NEK11: variants seen among roughly 807,000 people sequenced by gnomAD.
NEK11 encodes serine/threonine-protein kinase Nek11.
A neutral mutation model predicts 80.7 loss-of-function variants in NEK11; 72 were observed. That is an observed-to-expected ratio of 0.89 (90% CI 0.74 to 1.08). NEK11 has a LOEUF of 1.08. NEK11 is among the 50% of genes least tolerant of loss of function. NEK11 has a pLI of 0.00. For synonymous variants in NEK11, 251 were observed against 260.7 expected (o/e 0.96, Z 0.36); for missense variants, 764 against 763.6 (o/e 1.00, Z -0.01).
At chr3:131,272,463 C>CTTCTTTTTTTTTTTTTTT (rs2096210843) in intron 16 of NEK11, among the ~76,000 whole-genome samples, 10 of 43,884 alleles carry the variant, frequency 2.3e-4, no homozygotes, top group African/African-American at 9.1e-4. Flanking sequence ...GTTTTAGCTT[C>CTTCTTTTTTTTTTTTTTT]TTTTTTTTTT....
chr3:131,196,852 T>C (rs1396983169), intron 14 of NEK11, among the ~76,000 whole-genome samples: 2 of 151,686 alleles, frequency 1.3e-5, no homozygotes, highest in Admixed American at 1.3e-4. Context: ...TTTTCTTTTT[T>C]TTTTTTTTTG....
intron 16 of NEK11, among the ~76,000 whole-genome samples, chr3:131,260,285 G>T (rs1350520642): frequency 6.6e-6 from 1 of 152,096 alleles, no homozygotes; most frequent in Non-Finnish European, 1.5e-5. Flanking sequence ...GGAAACCACA[G>T]TTCTAGTCTG....
At chr3:131,211,140 C>T (rs914141055) in intron 14 of NEK11, among the ~76,000 whole-genome samples, 1 of 152,104 alleles carries the variant, frequency 6.6e-6, no homozygotes, top group Admixed American at 6.5e-5. Context: ...TTAGTGCTTC[C>T]TTCAGGAGCT....
chr3:131,058,818 A>C (rs1441579799), intron 3 of NEK11, among the ~76,000 whole-genome samples: 1 of 152,214 alleles, frequency 6.6e-6, no homozygotes. Context: ...TGTCTGGGTA[A>C]CAGGAATTAT....
intron 9 of NEK11, 103 bp from the exon 10 acceptor site, chr3:131,154,933 A>G (rs1004514085): frequency 5.9e-6 from 4 of 677,656 alleles, no homozygotes; most frequent in South Asian, 3.8e-5. Context: ...GCTCCCTGCC[A>G]TGGTCAAAAG....
intron 3 of NEK11, among the ~76,000 whole-genome samples, chr3:131,049,585 T>C (rs980647756): frequency 1.5e-4 from 23 of 152,346 alleles, no homozygotes; most frequent in African/African-American, 5.5e-4. Flanking sequence ...ATCAGTGGCA[T>C]GTTAAGCCCA....
chr3:131,220,405 A>C (rs1561043594), intron 14 of NEK11, among the ~76,000 whole-genome samples: 1 of 152,174 alleles, frequency 6.6e-6, no homozygotes, highest in Non-Finnish European at 1.5e-5. Context: ...TATTTTTGGG[A>C]AATTAAGAAA....
chr3:131,320,920 C>A (rs2096891060), intron 17 of NEK11, among the ~76,000 whole-genome samples: 1 of 152,062 alleles, frequency 6.6e-6, no homozygotes, highest in African/African-American at 2.4e-5. Flanking sequence ...AATGGCAATA[C>A]TACCCAAAGC....
At chr3:131,084,610 G>A (rs140618161) in intron 4 of NEK11, among the ~76,000 whole-genome samples, 1 of 152,334 alleles carries the variant, frequency 6.6e-6, no homozygotes, top group Non-Finnish European at 1.5e-5. Context: ...GGAGAGGGTG[G>A]TGGTAGTGGT....
At chr3:131,163,474 A>G (rs2091879536) in intron 11 of NEK11, among the ~76,000 whole-genome samples, 1 of 152,174 alleles carries the variant, frequency 6.6e-6, no homozygotes, top group Non-Finnish European at 1.5e-5. Context: ...TTATGTTAAG[A>G]GAAATAAGCC....
chr3:131,047,340 T>C (rs2067560891), intron 3 of NEK11, among the ~76,000 whole-genome samples: 1 of 152,178 alleles, frequency 6.6e-6, no homozygotes, highest in East Asian at 1.9e-4. Context: ...CTTTTGGGGG[T>C]GTTCACTTTG....
At chr3:131,338,087 C>T (rs1325229007) in intron 17 of NEK11, among the ~76,000 whole-genome samples, 1 of 152,072 alleles carries the variant, frequency 6.6e-6, no homozygotes, top group African/African-American at 2.4e-5. Context: ...CTGCCTCAGC[C>T]TCCCGAGTAG....
chr3:131,344,178 T>G (rs2110462811), intron 17 of NEK11, among the ~76,000 whole-genome samples: 1 of 152,328 alleles, frequency 6.6e-6, no homozygotes, highest in South Asian at 2.1e-4. Context: ...TCTTGAAGGC[T>G]TTGCTGCTTA....
At chr3:131,107,371 T>TAA (rs11373881) in intron 4 of NEK11, among the ~76,000 whole-genome samples, 22 of 149,168 alleles carry the variant, frequency 1.5e-4, no homozygotes, top group South Asian at 6.3e-4. Flanking sequence ...AATAATAAAA[T>TAA]AAAAAAAAAA....
intron 3 of NEK11, among the ~76,000 whole-genome samples, chr3:131,063,262 C>G (rs2071252660): frequency 1.3e-5 from 2 of 152,154 alleles, no homozygotes; most frequent in Admixed American, 1.3e-4. Context: ...TGGACTTAAG[C>G]AATTCTTCTG....
rs1365105905 is a variant in NEK11, at chr3:131,270,499, T to C, written c.1622-2979T>C. ...ACACACTCTGGGATTCAGTCACCTA[T>C]TGGATGACATCTATGTTCTTGCCCC... is the stretch of plus-strand genomic sequence containing the variant. On this transcript the variant is annotated intron_variant, in intron 16 of 17. Transcript: ENST00000383366. 2.0e-5 allele frequency among the ~76,000 whole-genome samples: 3 copies of C among 152,236 alleles called. No homozygotes were observed. The East Asian group carries it at 5.8e-4, about 29-fold the overall frequency.
Position 131,168,942 on chromosome 3 carries a change from G to C in NEK11, c.1284+5G>C. 6.2e-7 allele frequency: 1 copy of C among 1,608,986 alleles called. No individual in the cohort carries two copies. Among genetic ancestry groups the C allele is most frequent in the Non-Finnish European group, 8.5e-7 (1 of 1,175,948 alleles). On this transcript the variant is annotated splice_donor_5th_base_variant and intron_variant, in intron 13 of 17. Transcript: ENST00000383366. ...AGGTGGCAAGGCAGGGAAGAGGCAA[G>C]TTTAATCATATTCACAAGCACAAAA... is the stretch of plus-strand genomic sequence containing the variant.
At chr3:131,279,685 G>A (rs2096364289) in intron 17 of NEK11, among the ~76,000 whole-genome samples, 1 of 152,062 alleles carries the variant, frequency 6.6e-6, no homozygotes, top group Non-Finnish European at 1.5e-5. Context: ...TGTCATATTA[G>A]TGAAATCATC....
intron 16 of NEK11, among the ~76,000 whole-genome samples, chr3:131,272,301 T>G (rs879443979): frequency 2.6e-5 from 4 of 151,562 alleles, no homozygotes; most frequent in Non-Finnish European, 5.9e-5. Context: ...GAGTGGACAG[T>G]TTTTTACTGA....
Sources: allele counts gnomAD v4.1 joint callset (sites outside exome capture counted in the v4.1 genomes callset), GRCh38; gene constraint gnomAD v4.1.1; transcripts MANE v1.5; gene names NCBI Gene and HGNC (gene_info 2026-07-23, HGNC 2026-07-21).